The following ZFPM2 variants were observed in gnomAD, a reference collection of about 807,000 sequenced individuals.
ZFPM2 encodes the protein zinc finger protein, FOG family member 2.
Under a neutral mutation model 98.6 loss-of-function variants are expected in ZFPM2, and 20 were observed. The observed-to-expected ratio is 0.20, with a 90% CI of 0.14 to 0.29. The LOEUF is 0.29. Ranked by LOEUF, ZFPM2 falls within the 10% of genes least tolerant of loss-of-function variation. The probability of loss-of-function intolerance (pLI) is 1.00; values close to 1 mark genes in which losing one functional copy is unlikely to be tolerated. For missense variants in ZFPM2, 1,310 were observed against 1,388.6 expected (o/e 0.94, Z 0.90); for synonymous variants, 518 against 502.7 (o/e 1.03, Z -0.41).
chr8:105,440,058 G>A (rs1812204813), intron 2 of ZFPM2, among the ~76,000 whole-genome samples: 1 of 152,232 alleles, frequency 6.6e-6, no homozygotes, highest in Admixed American at 6.5e-5. Context: ...TGAATCAATG[G>A]TAAAAAAGTT....
At chr8:105,484,516 G>A (rs1227719005) in intron 3 of ZFPM2, among the ~76,000 whole-genome samples, 1 of 151,432 alleles carries the variant, frequency 6.6e-6, no homozygotes, top group Non-Finnish European at 1.5e-5. Flanking sequence ...CATATTTTTG[G>A]CATCTTTTTA....
intron 1 of ZFPM2, among the ~76,000 whole-genome samples, chr8:105,338,904 G>T (rs1473990551): frequency 6.6e-6 from 1 of 151,778 alleles, no homozygotes; most frequent in African/African-American, 2.4e-5. Flanking sequence ...GAAACAAATT[G>T]TTCCCCTGGG....
intron 1 of ZFPM2, among the ~76,000 whole-genome samples, chr8:105,385,219 A>G (rs927846897): frequency 2.0e-4 from 30 of 152,314 alleles, no homozygotes; most frequent in African/African-American, 6.3e-4. Flanking sequence ...ATCTTATGCA[A>G]AGTCATCTTT....
At chr8:105,788,342 C>T (rs1813484520) in intron 5 of ZFPM2, among the ~76,000 whole-genome samples, 1 of 152,236 alleles carries the variant, frequency 6.6e-6, no homozygotes, top group South Asian at 2.1e-4. Context: ...TCCAAATGCT[C>T]ATATGAAATA....
chr8:105,533,007 A>G (rs566797801), intron 3 of ZFPM2, among the ~76,000 whole-genome samples: 3 of 152,292 alleles, frequency 2.0e-5, no homozygotes, highest in East Asian at 3.9e-4. Context: ...ATAAATTCTC[A>G]TAATACTCTA....
chr8:105,775,077 T>TAAAAA (rs397968210), intron 5 of ZFPM2, among the ~76,000 whole-genome samples: 1 of 104,934 alleles, frequency 9.5e-6, no homozygotes, highest in African/African-American at 3.4e-5. Context: ...CTCTTGGAAT[T>TAAAAA]AAAAAAAAAA....
At chr8:105,445,893 C>A (rs900721020) in intron 3 of ZFPM2, among the ~76,000 whole-genome samples, 11 of 151,822 alleles carry the variant, frequency 7.2e-5, no homozygotes, top group African/African-American at 2.7e-4. Context: ...AGCCACTGCA[C>A]CCAGCCTCTT....
Position 105,520,655 on chromosome 8 carries a change from C to T in ZFPM2, c.302-40708C>T, listed in dbSNP as rs1267213115. On this transcript the variant is annotated intron_variant, in intron 3 of 7. Transcript: ENST00000407775. ...GATGGTTGATTGTGATAAGCATTGT[C>T]GTAGAGGAACAAAGCGTTCCAGTGA... Among the ~76,000 whole-genome samples the T allele has an allele frequency of 3.3e-5, 5 of 151,466 alleles. No individual in the cohort carries two copies. In the South Asian group the frequency reaches 6.3e-4, roughly 19 times the overall value.
At chr8:105,691,609 C>T (rs776519354) in intron 5 of ZFPM2, among the ~76,000 whole-genome samples, 2 of 152,154 alleles carry the variant, frequency 1.3e-5, no homozygotes, top group Admixed American at 6.5e-5. Context: ...CCACAGTTAC[C>T]TAATAATTTT....
At chr8:105,619,330 G>T (rs953153000) in intron 4 of ZFPM2, among the ~76,000 whole-genome samples, 14 of 151,970 alleles carry the variant, frequency 9.2e-5, no homozygotes, top group Admixed American at 5.2e-4. Flanking sequence ...TAATGAGCTT[G>T]ATTATTAATA....
intron 1 of ZFPM2, among the ~76,000 whole-genome samples, chr8:105,373,628 A>G (rs964352410): frequency 3.9e-5 from 6 of 152,212 alleles, no homozygotes; most frequent in Admixed American, 1.3e-4. Context: ...AGATTATTCA[A>G]TTAAATAAAT....
At chr8:105,512,215 A>C (rs1813832180) in intron 3 of ZFPM2, among the ~76,000 whole-genome samples, 1 of 152,134 alleles carries the variant, frequency 6.6e-6, no homozygotes, top group African/African-American at 2.4e-5. Flanking sequence ...ATTTAGACTA[A>C]ATGTTTGGGC....
chr8:105,372,047 A>G (rs200124058), intron 1 of ZFPM2, among the ~76,000 whole-genome samples: 2 of 120,136 alleles, frequency 1.7e-5, no homozygotes, highest in African/African-American at 3.0e-5. Context: ...TATTATTATT[A>G]TTTTATTTTT....
At chr8:105,555,986 G>A (rs1427806063) in intron 3 of ZFPM2, among the ~76,000 whole-genome samples, 1 of 152,162 alleles carries the variant, frequency 6.6e-6, no homozygotes, top group Non-Finnish European at 1.5e-5. Flanking sequence ...CAAGAGTCAG[G>A]CAAATACTGT....
At chr8:105,685,338 T>C (rs540977279) in intron 5 of ZFPM2, among the ~76,000 whole-genome samples, 71 of 152,156 alleles carry the variant, frequency 4.7e-4, no homozygotes, top group African/African-American at 1.7e-3. Context: ...AATAAGTAAA[T>C]GGAAAATGTA....
chr8:105,752,988 C>T (rs1269169887), intron 5 of ZFPM2, among the ~76,000 whole-genome samples: 1 of 152,066 alleles, frequency 6.6e-6, no homozygotes, highest in African/African-American at 2.4e-5. Flanking sequence ...ATAAAACAAG[C>T]ACATCAGGCT....
intron 4 of ZFPM2, among the ~76,000 whole-genome samples, chr8:105,601,191 A>T (rs1816084371): frequency 6.6e-6 from 1 of 152,098 alleles, no homozygotes; most frequent in South Asian, 2.1e-4. Context: ...TTAGGATAAT[A>T]GCCAGCAGTC....
chr8:105,528,966 C>T (rs1020375360), intron 3 of ZFPM2: 6 of 152,102 alleles, frequency 3.9e-5, no homozygotes, highest in Non-Finnish European at 8.8e-5. Flanking sequence ...CTTCTGAAAA[C>T]AAGGTAAAAA....
intron 3 of ZFPM2, among the ~76,000 whole-genome samples, chr8:105,445,587 G>A (rs887941800): frequency 2.6e-5 from 4 of 151,328 alleles, no homozygotes; most frequent in Admixed American, 6.6e-5. Context: ...AAAACAGTGA[G>A]TGAACTTTTA....
Sources: allele counts gnomAD v4.1 joint callset (sites outside exome capture counted in the v4.1 genomes callset), GRCh38; gene constraint gnomAD v4.1.1; transcripts MANE v1.5; gene names NCBI Gene and HGNC (gene_info 2026-07-23, HGNC 2026-07-21).